Variants in FSTL4 observed in about 807,000 individuals in gnomAD.
The protein encoded by FSTL4 is follistatin like 4, also known as follistatin-related protein 4.
In FSTL4, 28 loss-of-function variants were observed where a neutral mutation model predicts 78.2. The observed-to-expected ratio is 0.36, with a 90% CI of 0.27 to 0.49. FSTL4 has a LOEUF of 0.49. Ranked by LOEUF, FSTL4 falls within the 20% of genes least tolerant of loss-of-function variation. FSTL4 has a pLI of 0.98. For missense variants in FSTL4, 922 were observed against 1,084.9 expected (o/e 0.85, Z 2.11); for synonymous variants, 422 against 440.5 (o/e 0.96, Z 0.53).
chr5:133,381,118 A>T (rs1755557492), intron 4 of FSTL4, among the ~76,000 whole-genome samples: 1 of 152,194 alleles, frequency 6.6e-6, no homozygotes, highest in African/African-American at 2.4e-5. Flanking sequence ...GAGTATGGTG[A>T]TATCTAGAAA....
At chr5:133,223,191 C>A (rs1751207145) in intron 11 of FSTL4, among the ~76,000 whole-genome samples, 1 of 152,226 alleles carries the variant, frequency 6.6e-6, no homozygotes, top group Non-Finnish European at 1.5e-5. Flanking sequence ...GCTGTGAGAG[C>A]CTAAGGGGCC....
chr5:133,615,476 G>C (rs62373466), upstream of FSTL4, among the ~76,000 whole-genome samples: 32,217 of 152,050 alleles, frequency 0.21, 3,568 homozygotes, highest in East Asian at 0.26. Context: ...CCCAGAACTT[G>C]TTTTCTCTTA....
intron 13 of FSTL4, among the ~76,000 whole-genome samples, chr5:133,215,489 C>T (rs369625145): frequency 6.6e-6 from 1 of 152,100 alleles, no homozygotes; most frequent in African/African-American, 2.4e-5. Context: ...AAATCACCCC[C>T]CAATCTGCTC....
the FSTL4 span, among the ~76,000 whole-genome samples, chr5:133,730,928 G>T: frequency 1.3e-5 from 2 of 152,194 alleles, no homozygotes; most frequent in Non-Finnish European, 2.9e-5. Flanking sequence ...AAGAGAAGAA[G>T]AGAGATGGGA....
intron 13 of FSTL4, among the ~76,000 whole-genome samples, chr5:133,214,079 A>G (rs1020949804): frequency 6.6e-6 from 1 of 152,254 alleles, no homozygotes; most frequent in African/African-American, 2.4e-5. Flanking sequence ...TTTGCGAAAT[A>G]TAGTGGAAGA....
At chr5:133,770,440 C>T in the FSTL4 span, among the ~76,000 whole-genome samples, 1 of 152,042 alleles carries the variant, frequency 6.6e-6, no homozygotes, top group African/African-American at 2.4e-5. Flanking sequence ...AAGATGGCGT[C>T]TCATTGTGGT....
At chr5:133,547,475 T>A (rs1379948214) in intron 3 of FSTL4, among the ~76,000 whole-genome samples, 1 of 152,224 alleles carries the variant, frequency 6.6e-6, no homozygotes, top group Non-Finnish European at 1.5e-5. Context: ...ATGGTTTCAG[T>A]GTGTCCCCCA....
intron 4 of FSTL4, among the ~76,000 whole-genome samples, chr5:133,359,454 T>A (rs1476003635): frequency 6.6e-6 from 1 of 152,204 alleles, no homozygotes; most frequent in Non-Finnish European, 1.5e-5. Context: ...AAAAGAGTAC[T>A]TACAAGAAGT....
chr5:133,217,174 T>C, intron 13 of FSTL4, 55 bp downstream of exon 13: 1 of 1,473,984 alleles, frequency 6.8e-7, no homozygotes, highest in Non-Finnish European at 9.4e-7. Context: ...AAGAAGAATG[T>C]GGCAGGCTGT....
At chr5:133,640,399 G>A in the FSTL4 span, among the ~76,000 whole-genome samples, 2 of 152,110 alleles carry the variant, frequency 1.3e-5, no homozygotes, top group South Asian at 4.2e-4. Context: ...CTGCCCTACC[G>A]CCTCCAAGAT....
At chr5:133,580,231 C>T (rs1760371173) in intron 2 of FSTL4, among the ~76,000 whole-genome samples, 2 of 152,168 alleles carry the variant, frequency 1.3e-5, no homozygotes, top group South Asian at 4.2e-4. Context: ...GCCTCTGTGG[C>T]TCAGCTTTGT....
chr5:133,392,060 T>C (rs1335916915), intron 4 of FSTL4, among the ~76,000 whole-genome samples: 1 of 152,162 alleles, frequency 6.6e-6, no homozygotes, highest in Admixed American at 6.5e-5. Context: ...GACAGCACCA[T>C]GGTCAAAGTT....
rs1760465223 is a variant in FSTL4, at chr5:133,583,003, A to G, written c.127-15784T>C. Among the ~76,000 whole-genome samples, 3 of 152,042 alleles carry G rather than the reference A, an allele frequency of 2.0e-5. No individual in the cohort carries two copies. In the South Asian group the frequency reaches 6.3e-4, roughly 32 times the overall value. ...CACCACAGCTCAACCAATCTTTAGT[A>G]CTCAGTGTGCCTGGGGGTGCCTGAC... On this transcript the variant is annotated intron_variant, in intron 2 of 15. Transcript: ENST00000265342.
the FSTL4 span, among the ~76,000 whole-genome samples, chr5:133,731,789 G>GCAGA: frequency 6.6e-6 from 1 of 152,198 alleles, no homozygotes; most frequent in Admixed American, 6.5e-5. Flanking sequence ...CGGAGAGGAA[G>GCAGA]CAGACAGACA....
chr5:133,351,756 C>T (rs1754828703), intron 4 of FSTL4, among the ~76,000 whole-genome samples: 1 of 152,012 alleles, frequency 6.6e-6, no homozygotes, highest in East Asian at 1.9e-4. Flanking sequence ...TACAGGCATG[C>T]ACTACCTTGC....
chr5:133,765,043 A>C, the FSTL4 span, among the ~76,000 whole-genome samples: 1 of 152,256 alleles, frequency 6.6e-6, no homozygotes, highest in Non-Finnish European at 1.5e-5. Context: ...GTTATACCTG[A>C]ATCAAAACCT....
intron 3 of FSTL4, among the ~76,000 whole-genome samples, chr5:133,534,474 C>A (rs1321960495): frequency 6.6e-6 from 1 of 152,160 alleles, no homozygotes; most frequent in Non-Finnish European, 1.5e-5. Flanking sequence ...TTTCTTCACA[C>A]TATTCCTGTT....
At chr5:133,321,641 T>C (rs1033791319) in intron 4 of FSTL4, among the ~76,000 whole-genome samples, 1 of 151,990 alleles carries the variant, frequency 6.6e-6, no homozygotes, top group Admixed American at 6.6e-5. Flanking sequence ...AGGTCAGGAG[T>C]TCGAGAGAAT....
chr5:133,199,323 G>A lies in FSTL4; in HGVS notation c.2301C>T (p.Ser767=), dbSNP rs1750243011. 10 of 1,614,046 alleles carry A rather than the reference G, an allele frequency of 6.2e-6. No individual in the cohort carries two copies. Among genetic ancestry groups the A allele is most frequent in the Non-Finnish European group, 8.5e-6 (10 of 1,179,938 alleles). The change falls in exon 16 of 16, where the codon TCC becomes TCT. Residue 767 remains serine (S), a synonymous_variant. Transcript: ENST00000265342. The surrounding 1 kb of genome is among the most constrained non-coding windows in gnomAD (Gnocchi z 4.4). ...TEPDLLFLEL[S]TGKVGMLKNL... ...TCTTCAGCATGCCCACCTTCCCCGT[G>A]GACAGCTCCAGGAACAGCAGGTCCG... is the stretch of plus-strand genomic sequence containing the variant.
Sources: allele counts gnomAD v4.1 joint callset (sites outside exome capture counted in the v4.1 genomes callset), GRCh38; gene constraint gnomAD v4.1.1; non-coding constraint Gnocchi (gnomAD v3.1); transcripts MANE v1.5; gene names NCBI Gene and HGNC (gene_info 2026-07-23, HGNC 2026-07-21).